Variants in USP54 observed in about 807,000 individuals in gnomAD.
USP54 encodes ubiquitin carboxyl-terminal hydrolase 54.
USP54 carries 87 observed loss-of-function variants against 170.5 expected under a neutral mutation model. The ratio of observed to expected loss-of-function variants is 0.51; its 90% CI spans 0.43 to 0.61. The LOEUF (loss-of-function observed/expected upper bound fraction) is 0.61. Ranked by LOEUF, USP54 falls within the 20% of genes least tolerant of loss-of-function variation. USP54 has a pLI of 0.00. For synonymous variants in USP54, 655 were observed against 742.8 expected (o/e 0.88, Z 1.92); for missense variants, 1,786 against 2,047.8 (o/e 0.87, Z 2.47).
chr10:73,598,618 A>C (rs2132254459), intron 1 of USP54, among the ~76,000 whole-genome samples: 1 of 152,078 alleles, frequency 6.6e-6, no homozygotes, highest in Non-Finnish European at 1.5e-5. Flanking sequence ...CTCTACTAAA[A>C]ATACAAAAAT....
At position 73,576,190 on chromosome 10, in the gene USP54, C is replaced by T. The variant is rs999703032; in HGVS notation, c.-410G>A. 2.0e-5 allele frequency: 3 copies of T among 152,182 alleles called. No homozygotes were observed. Among genetic ancestry groups the T allele is most frequent in the Non-Finnish European group, 2.9e-5 (2 of 68,046 alleles). 9.4% of individuals were successfully genotyped at this position (152,182 alleles called of 1,614,324 possible). Reference sequence around the variant, plus strand: ...AAGCAAAAACTCAAATTCTGAGCAACTGCAAAAGGTTCCACAAAGCCAAGA... The same window carrying T: ...AAGCAAAAACTCAAATTCTGAGCAATTGCAAAAGGTTCCACAAAGCCAAGA... On this transcript the variant is annotated 5_prime_UTR_variant, in exon 2 of 24. Transcript: ENST00000687698.
rs1272322229 is a variant in USP54 at position 73,519,524 on chromosome 10, C to T, written c.2678+273G>A. 4.3e-5 allele frequency: 19 copies of T among 441,726 alleles called. 1 individual carries two copies. The highest frequency in any genetic ancestry group is 2.1e-4 in the South Asian group (8 of 38,660). 27.4% of individuals were successfully genotyped at this position (441,726 alleles called of 1,614,324 possible). ...ATAATATATACAAATATAATAATCG[C>T]GTTATTACACAAGTCCAGGGCTAAA... On this transcript the variant is annotated intron_variant, in intron 19 of 23. Coordinates refer to ENST00000687698, the MANE Select transcript of USP54 (RefSeq NM_001391956.1).
intron 20 of USP54, chr10:73,507,031 T>C (rs1424408616): frequency 1.3e-5 from 2 of 152,118 alleles, no homozygotes; most frequent in Admixed American, 6.6e-5. Context: ...TACCAGATAT[T>C]GTCCAGCCAC....
At chr10:73,567,466 T>C (rs1047988388) in intron 4 of USP54, among the ~76,000 whole-genome samples, 2 of 151,878 alleles carry the variant, frequency 1.3e-5, no homozygotes, top group East Asian at 3.9e-4. Context: ...AGGTCAGGAG[T>C]TCGGGACCAG....
At chr10:73,612,720 T>C (rs554073548) in intron 1 of USP54, among the ~76,000 whole-genome samples, 1 of 150,344 alleles carries the variant, frequency 6.7e-6, no homozygotes, top group Admixed American at 6.8e-5. Flanking sequence ...TGCATGCCTG[T>C]ACCCCACTTA....
chr10:73,620,240 G>C (rs564056231), intron 1 of USP54, among the ~76,000 whole-genome samples: 3 of 149,436 alleles, frequency 2.0e-5, no homozygotes, highest in Non-Finnish European at 4.4e-5. Flanking sequence ...TTGAACCTGG[G>C]AGGCGGAGGT....
chr10:73,517,335 C>T lies in USP54; in HGVS notation c.3091G>A (p.Asp1031Asn). ...ATCACCGGGGAGGGGTTAGCAGGATCCTTCTTTTCTTGGAACAGCTGTTCT... is the reference window on the plus strand; with the variant it reads ...ATCACCGGGGAGGGGTTAGCAGGATTCTTCTTTTCTTGGAACAGCTGTTCT... ...AQEQLFQEKK[D>N]PANPSPVMPG... Residue 1031 changes from aspartate (D) to asparagine (N), a missense_variant, in exon 20 of 24, where the codon GAT becomes AAT. Transcript: ENST00000687698. 2 of 1,612,146 alleles carry T rather than the reference C, an allele frequency of 1.2e-6. No homozygotes were observed. The highest frequency in any genetic ancestry group is 1.7e-6 in the Non-Finnish European group (2 of 1,179,088).
chr10:73,614,903 AT>A (rs1313697326), intron 1 of USP54, among the ~76,000 whole-genome samples: 3 of 150,528 alleles, frequency 2.0e-5, no homozygotes, highest in South Asian at 4.1e-4. Flanking sequence ...ATTTTAGCAC[AT>A]CAACGGACAC....
chr10:73,575,529 G>A lies in USP54; in HGVS notation c.130C>T (p.Leu44Phe). 3 of 1,611,864 alleles carry A rather than the reference G, an allele frequency of 1.9e-6. No homozygotes were observed. The highest frequency in any genetic ancestry group is 2.5e-6 in the Non-Finnish European group (3 of 1,179,372). ...ACCCTTACCTGCAGGGCACTGTTGA[G>A]GAAGCAGCTGTTTTGCCCTGGCTCA... The part of the protein sequence containing the change: ...SNEPGQNSCF[L>F]NSALQVLWHL... Residue 44 changes from leucine (L) to phenylalanine (F), a missense_variant, in exon 3 of 24, where the codon CTC becomes TTC. Transcript: ENST00000687698.
chr10:73,610,357 C>T (rs1040854670), intron 1 of USP54, among the ~76,000 whole-genome samples: 2 of 152,124 alleles, frequency 1.3e-5, no homozygotes, highest in African/African-American at 4.8e-5. Flanking sequence ...CGGCTCACAC[C>T]TGTACTGTAA....
chr10:73,517,219 A>G lies in USP54; in HGVS notation c.3207T>C (p.Tyr1069=), dbSNP rs146400496. Residue 1069 remains tyrosine, a synonymous_variant, in exon 20 of 24, where the codon TAT becomes TAC. Transcript: ENST00000687698. ...CAGGCATTATGGGGTGGCAGGTTCT[A>G]TACAGGGGAAGGCTGGGCTGAGCTG... ...NSSAQPSLPL[Y]RTCHPIMPVA... is the part of the protein sequence containing the mutation. 1.2e-6 allele frequency: 2 copies of G among 1,614,102 alleles called. No individual in the cohort carries two copies. Among genetic ancestry groups the G allele is most frequent in the African/African-American group, 2.7e-5 (2 of 74,938 alleles).
At chr10:73,613,036 G>A (rs561650927) in intron 1 of USP54, among the ~76,000 whole-genome samples, 1 of 151,250 alleles carries the variant, frequency 6.6e-6, no homozygotes, top group East Asian at 2.0e-4. Context: ...GCGTGCCTCT[G>A]GTCCCAGCTA....
chr10:73,624,159 C>CATATATATAT (rs58238181), intron 1 of USP54, among the ~76,000 whole-genome samples: 1,170 of 69,706 alleles, frequency 0.017, 50 homozygotes, highest in Non-Finnish European at 0.023. Flanking sequence ...TTTTAAAAGC[C>CATATATATAT]ATATATATAT....
At chr10:73,616,488 C>A (rs1168241479) in intron 1 of USP54, among the ~76,000 whole-genome samples, 1 of 149,644 alleles carries the variant, frequency 6.7e-6, no homozygotes, top group South Asian at 2.1e-4. Context: ...ACAACACACA[C>A]TAGGGCCTGT....
chr10:73,572,675 T>A (rs2075408803), intron 3 of USP54, among the ~76,000 whole-genome samples: 1 of 152,186 alleles, frequency 6.6e-6, no homozygotes, highest in South Asian at 2.1e-4. Context: ...TATTAGCTCA[T>A]AACAACAATT....
intron 16 of USP54, among the ~76,000 whole-genome samples, chr10:73,525,664 T>C (rs1388242468): frequency 6.6e-6 from 1 of 152,260 alleles, no homozygotes; most frequent in East Asian, 1.9e-4. Flanking sequence ...AATGTATAAT[T>C]ACAATGGGAA....
rs1331569532 is a variant in USP54, at chr10:73,499,088, G to A, written c.4596C>T (p.Leu1532=). 1 of 1,614,126 alleles carries A rather than the reference G, an allele frequency of 6.2e-7. No homozygotes were observed. The highest frequency in any genetic ancestry group is 8.5e-7 in the Non-Finnish European group (1 of 1,180,024). Residue 1532 remains leucine, a synonymous_variant, in exon 24 of 24, where the codon CTC becomes CTT. Transcript: ENST00000687698. The stretch of plus-strand genomic sequence containing the variant: ...AGTTGTCTGTTCTGGAGCGATGGGG[G>A]AGGCTCTGGTAGTTCAAAGTCCTTC... The part of the protein sequence containing the change: ...YTGRTLNYQS[L]PHRSRTDNSW...
At chr10:73,516,298 C>T in intron 20 of USP54, 77 bp downstream of exon 20, 1 of 1,460,554 alleles carries the variant, frequency 6.8e-7, no homozygotes, top group South Asian at 1.3e-5. Flanking sequence ...GTATAGAACA[C>T]TCCCTTCTGA....
intron 4 of USP54, among the ~76,000 whole-genome samples, chr10:73,568,309 T>C (rs896319249): frequency 6.6e-6 from 1 of 152,198 alleles, no homozygotes; most frequent in Non-Finnish European, 1.5e-5. Flanking sequence ...CATATGTTTA[T>C]CATCCTTTCC....
Sources: allele counts gnomAD v4.1 joint callset (sites outside exome capture counted in the v4.1 genomes callset), GRCh38; gene constraint gnomAD v4.1.1; transcripts MANE v1.5; gene names NCBI Gene and HGNC (gene_info 2026-07-23, HGNC 2026-07-21).